EFCAB11: variants seen among roughly 807,000 people sequenced by gnomAD.
The protein encoded by EFCAB11 is EF-hand calcium binding domain 11.
Under a neutral mutation model 23.0 loss-of-function variants are expected in EFCAB11, and 14 were observed. The ratio of observed to expected loss-of-function variants is 0.61; its 90% CI spans 0.40 to 0.95. The LOEUF is 0.95. Among genes scored for constraint, EFCAB11 ranks in the 40% least tolerant of loss-of-function variants. EFCAB11 has a pLI of 0.00. For missense variants in EFCAB11, 198 were observed against 195.8 expected (o/e 1.01, Z -0.07); for synonymous variants, 65 against 66.6 (o/e 0.98, Z 0.11).
At chr14:89,833,967 G>A (rs975480219) in intron 5 of EFCAB11, among the ~76,000 whole-genome samples, 10 of 152,112 alleles carry the variant, frequency 6.6e-5, no homozygotes, top group African/African-American at 1.9e-4. Context: ...AGCCATATTA[G>A]TTCTGAAATA....
intron 5 of EFCAB11, among the ~76,000 whole-genome samples, chr14:89,890,820 G>T (rs928086217): frequency 6.6e-5 from 10 of 152,318 alleles, no homozygotes; most frequent in Middle Eastern, 3.4e-3. Context: ...AGCCTCATGG[G>T]GAGACGAGGC....
intron 5 of EFCAB11, among the ~76,000 whole-genome samples, chr14:89,804,978 A>T (rs1282599812): frequency 1.3e-5 from 2 of 152,190 alleles, no homozygotes; most frequent in Non-Finnish European, 2.9e-5. Context: ...TGAATATAAG[A>T]TTCTTACAGG....
chr14:89,867,545 C>T lies in EFCAB11; in HGVS notation c.410+63996G>A, dbSNP rs551235682. On this transcript the variant is annotated intron_variant, in intron 5 of 5. Transcript: ENST00000316738. ...CTGCTCTGCCTCCAGGGTGATCCTG[C>T]AGCCCCAACGCAACTGCCCTTGCAT... Among the ~76,000 whole-genome samples the T allele has an allele frequency of 4.4e-4, 67 of 152,352 alleles. 1 individual carries two copies. The South Asian group carries it at 0.014, about 31-fold the overall frequency.
At position 89,953,915 on chromosome 14, in the gene EFCAB11, C is replaced by T. The variant is rs1566828069; in HGVS notation, c.162G>A (p.Lys54=). The T allele has an allele frequency of 2.5e-6, 4 of 1,613,446 alleles. No individual in the cohort carries two copies. Among genetic ancestry groups the T allele is most frequent in the Non-Finnish European group, 3.4e-6 (4 of 1,179,900 alleles). Residue 54 remains lysine (K), a synonymous_variant, in exon 2 of 6, where the codon AAG becomes AAA. Coordinates refer to ENST00000316738, the MANE Select transcript of EFCAB11 (RefSeq NM_145231.4). ...TATAAGAAAGCTCTACCTTGGAGGG[C>T]TTGTACCCAAACAGCATTACAACAG... ...KTAVVMLFGY[K]PSKIEVDSVM...
At chr14:89,907,686 A>G (rs1177400492) in intron 5 of EFCAB11, among the ~76,000 whole-genome samples, 1 of 152,220 alleles carries the variant, frequency 6.6e-6, no homozygotes, top group Non-Finnish European at 1.5e-5. Context: ...ATTGATAAAG[A>G]GATTCAAAAT....
intron 5 of EFCAB11, chr14:89,830,985 C>T (rs886828146): frequency 2.6e-5 from 4 of 152,390 alleles, no homozygotes; most frequent in African/African-American, 7.2e-5. Context: ...TCCTGATGTA[C>T]ATTTTACAAG....
intron 5 of EFCAB11, among the ~76,000 whole-genome samples, chr14:89,897,068 GATAA>G: frequency 6.6e-6 from 1 of 151,748 alleles, no homozygotes; most frequent in Admixed American, 6.6e-5. Context: ...ATAAAACAAG[GATAA>G]ATATTAGAAA....
intron 5 of EFCAB11, among the ~76,000 whole-genome samples, chr14:89,927,178 T>C (rs765031): frequency 0.056 from 8,479 of 152,266 alleles, 411 homozygotes; most frequent in African/African-American, 0.12. Flanking sequence ...TCTCTTTCTT[T>C]GGATTGTTTT....
At chr14:89,856,888 T>C (rs921754021) in intron 5 of EFCAB11, among the ~76,000 whole-genome samples, 2 of 152,238 alleles carry the variant, frequency 1.3e-5, no homozygotes, top group African/African-American at 4.8e-5. Flanking sequence ...GACCCTTTTA[T>C]CCAATCAACA....
At chr14:89,863,985 T>A (rs544839869) in intron 5 of EFCAB11, among the ~76,000 whole-genome samples, 31 of 152,236 alleles carry the variant, frequency 2.0e-4, no homozygotes, top group Non-Finnish European at 1.2e-4. Flanking sequence ...CAATAACCCT[T>A]ATTTGCATCT....
intron 5 of EFCAB11, among the ~76,000 whole-genome samples, chr14:89,872,620 T>C (rs146120016): frequency 2.6e-5 from 4 of 152,312 alleles, no homozygotes; most frequent in Non-Finnish European, 4.4e-5. Flanking sequence ...ACGGGCTGAA[T>C]TGTGTCCCCC....
rs779963508 is a variant in EFCAB11, at chr14:89,953,894, A to T, written c.171+12T>A. 16 of 1,609,238 alleles carry T rather than the reference A, an allele frequency of 9.9e-6. No individual in the cohort carries two copies. Among genetic ancestry groups the T allele is most frequent in the African/African-American group, 1.3e-5 (1 of 74,806 alleles). On this transcript the variant is annotated intron_variant, in intron 2 of 5. Transcript: ENST00000316738. ...CGTCTACCCCATCCCCAAATATATA[A>T]GAAAGCTCTACCTTGGAGGGCTTGT...
chr14:89,851,981 A>C (rs1038029684), intron 5 of EFCAB11, among the ~76,000 whole-genome samples: 1 of 152,232 alleles, frequency 6.6e-6, no homozygotes, highest in Non-Finnish European at 1.5e-5. Flanking sequence ...GAGTCTTTGG[A>C]AATTTAAAAA....
At chr14:89,934,142 T>C (rs749741294) in intron 3 of EFCAB11, among the ~76,000 whole-genome samples, 1 of 152,096 alleles carries the variant, frequency 6.6e-6, no homozygotes, top group Non-Finnish European at 1.5e-5. Flanking sequence ...TAAGTGGCAA[T>C]AGGAAGTCAA....
intron 5 of EFCAB11, among the ~76,000 whole-genome samples, chr14:89,840,891 G>A (rs1230486854): frequency 6.6e-6 from 1 of 152,156 alleles, no homozygotes; most frequent in Non-Finnish European, 1.5e-5. Flanking sequence ...GTGATAAAAT[G>A]CATCATTGTG....
intron 5 of EFCAB11, chr14:89,931,188 G>C (rs1890376890): frequency 5.1e-6 from 1 of 195,810 alleles, no homozygotes; most frequent in African/African-American, 2.3e-5. Context: ...CAGACCATGT[G>C]AGGACACCAG....
chr14:89,859,084 G>A (rs773414133), intron 5 of EFCAB11, among the ~76,000 whole-genome samples: 9 of 152,132 alleles, frequency 5.9e-5, no homozygotes, highest in Non-Finnish European at 1.0e-4. Flanking sequence ...ATCTTATCAC[G>A]AAATTGTAAA....
chr14:89,849,917 C>A (rs542772758), intron 5 of EFCAB11, among the ~76,000 whole-genome samples: 2 of 152,174 alleles, frequency 1.3e-5, no homozygotes, highest in African/African-American at 4.8e-5. Context: ...AATTCTACCA[C>A]CTTGAGAACT....
intron 5 of EFCAB11, among the ~76,000 whole-genome samples, chr14:89,925,648 C>CTTTATTT (rs749910856): frequency 7.4e-6 from 1 of 134,712 alleles, no homozygotes; most frequent in African/African-American, 2.8e-5. Context: ...ATGTTTCTTT[C>CTTTATTT]TTTTTTTTTT....
Sources: gnomAD v4.1 joint callset for allele counts (sites outside exome capture counted in the v4.1 genomes callset) on GRCh38, gnomAD v4.1.1 for gene constraint, MANE v1.5 for transcripts, NCBI Gene and HGNC (gene_info 2026-07-23, HGNC 2026-07-21) for gene names.